Variants in KCNQ5 observed in about 807,000 individuals in gnomAD.
KCNQ5 encodes the protein potassium voltage-gated channel subfamily KQT member 5.
KCNQ5 carries 30 observed loss-of-function variants against 98.2 expected under a neutral mutation model. The ratio of observed to expected loss-of-function variants is 0.31; its 90% CI spans 0.23 to 0.41. KCNQ5 has a LOEUF of 0.41. Ranked by LOEUF, KCNQ5 falls within the 10% of genes least tolerant of loss-of-function variation. The pLI is 1.00. For synonymous variants in KCNQ5, 458 were observed against 449.4 expected, an observed-to-expected ratio of 1.02 and a Z score of -0.24; for missense variants, 835 against 1,182.5, an observed-to-expected ratio of 0.71 and a Z score of 4.31.
At chr6:72,656,493 T>G (rs928940860) in intron 1 of KCNQ5, among the ~76,000 whole-genome samples, 4 of 152,190 alleles carry the variant, frequency 2.6e-5, no homozygotes, top group Admixed American at 6.6e-5. Context: ...GCAAAAATAA[T>G]TTCAGTTATT....
chr6:72,755,465 C>G (rs1342828967), intron 1 of KCNQ5, among the ~76,000 whole-genome samples: 1 of 151,966 alleles, frequency 6.6e-6, no homozygotes, highest in Non-Finnish European at 1.5e-5. Context: ...TTTTATGATT[C>G]CATTTTTATC....
rs9442862 is a variant in KCNQ5 at position 72,878,752 on chromosome 6, G to A, written c.399-125156G>A. ...TTTAAATTAGATTTTATTAAGGCTT[G>A]TTAAAAACTTTTTTGTTCTAATATA... On this transcript the variant is annotated intron_variant, in intron 1 of 13. Transcript: ENST00000370398. Among the ~76,000 whole-genome samples the A allele has an allele frequency of 5.1e-3, 772 of 152,186 alleles. 7 individuals are homozygous for A. The highest frequency in any genetic ancestry group is 0.018 in the African/African-American group (735 of 41,516).
intron 2 of KCNQ5, among the ~76,000 whole-genome samples, chr6:73,026,747 G>A (rs930737739): frequency 3.9e-5 from 6 of 152,012 alleles, no homozygotes; most frequent in East Asian, 1.9e-4. Flanking sequence ...GAGTTAAAGC[G>A]ATTTCTGTGT....
intron 1 of KCNQ5, among the ~76,000 whole-genome samples, chr6:72,804,370 C>CTTA: frequency 6.6e-6 from 1 of 151,996 alleles, no homozygotes; most frequent in South Asian, 2.1e-4. Flanking sequence ...TCTCTATCTC[C>CTTA]TTAAGTTCAA....
intron 1 of KCNQ5, among the ~76,000 whole-genome samples, chr6:72,978,793 C>T (rs143828019): frequency 2.0e-4 from 30 of 152,298 alleles, no homozygotes; most frequent in African/African-American, 7.2e-4. Flanking sequence ...TCGTCATTTA[C>T]ATTACATATT....
chr6:73,160,120 T>C (rs935803213), intron 10 of KCNQ5, among the ~76,000 whole-genome samples: 1 of 151,890 alleles, frequency 6.6e-6, no homozygotes, highest in African/African-American at 2.4e-5. Flanking sequence ...TTCACGCCAT[T>C]CTCCTGCCTC....
intron 1 of KCNQ5, among the ~76,000 whole-genome samples, chr6:72,985,475 T>C (rs1233672063): frequency 6.6e-6 from 1 of 152,086 alleles, no homozygotes; most frequent in Admixed American, 6.5e-5. Context: ...AAAGAAATAA[T>C]CCTACTTGTT....
At chr6:73,095,138 T>C (rs1774429434) in intron 5 of KCNQ5, among the ~76,000 whole-genome samples, 1 of 152,196 alleles carries the variant, frequency 6.6e-6, no homozygotes, top group South Asian at 2.1e-4. Flanking sequence ...TTTTTCTTTG[T>C]CTTTATGGAG....
At chr6:72,787,581 A>G (rs1295115027) in intron 1 of KCNQ5, among the ~76,000 whole-genome samples, 1 of 152,202 alleles carries the variant, frequency 6.6e-6, no homozygotes, top group Non-Finnish European at 1.5e-5. Context: ...TCTATGTAGG[A>G]AGCCAAAGTA....
intron 5 of KCNQ5, among the ~76,000 whole-genome samples, chr6:73,079,915 CAA>C (rs1377021021): frequency 2.0e-4 from 30 of 152,152 alleles, no homozygotes; most frequent in Admixed American, 2.0e-3. Flanking sequence ...GGTTTGAATT[CAA>C]GTTTAATTTT....
At chr6:72,798,904 CTTAA>C (rs1236656861) in intron 1 of KCNQ5, among the ~76,000 whole-genome samples, 1 of 151,970 alleles carries the variant, frequency 6.6e-6, no homozygotes, top group African/African-American at 2.4e-5. Context: ...GGACTGTTCA[CTTAA>C]TTTTTAAATT....
intron 10 of KCNQ5, among the ~76,000 whole-genome samples, chr6:73,162,425 G>A (rs1225840599): frequency 6.6e-6 from 1 of 152,230 alleles, no homozygotes; most frequent in Admixed American, 6.5e-5. Flanking sequence ...CTCACAGAGA[G>A]CAGGACTTTG....
intron 5 of KCNQ5, among the ~76,000 whole-genome samples, chr6:73,104,490 C>T (rs1283068700): frequency 6.6e-6 from 1 of 152,222 alleles, no homozygotes; most frequent in East Asian, 1.9e-4. Context: ...CCCAGTCCAG[C>T]TGAACAACTC....
At chr6:72,886,997 A>G (rs1286744738) in intron 1 of KCNQ5, among the ~76,000 whole-genome samples, 2 of 152,196 alleles carry the variant, frequency 1.3e-5, no homozygotes. Context: ...GATGAGTATT[A>G]TTATGTAATT....
chr6:72,919,977 C>T (rs1780320550), intron 1 of KCNQ5, among the ~76,000 whole-genome samples: 1 of 152,236 alleles, frequency 6.6e-6, no homozygotes, highest in South Asian at 2.1e-4. Context: ...CCAAAAGTGT[C>T]TTGCAGCGGC....
chr6:72,987,709 A>G lies in KCNQ5; in HGVS notation c.399-16199A>G, dbSNP rs560847334. 8 of 564,394 alleles carry G rather than the reference A, an allele frequency of 1.4e-5. No individual in the cohort carries two copies. In the African/African-American group the frequency reaches 1.5e-4, roughly 11 times the overall value. 35.0% of individuals were successfully genotyped at this position (564,394 alleles called of 1,614,324 possible). On this transcript the variant is annotated intron_variant, in intron 1 of 13. Transcript: ENST00000370398. ...CACCGCCCCCAACAAGATCTTTTAT[A>G]TTCATAGGAACGCTTCCAAGTTAGC... is the stretch of plus-strand genomic sequence containing the variant.
intron 5 of KCNQ5, among the ~76,000 whole-genome samples, chr6:73,091,185 A>G (rs1020682337): frequency 2.0e-5 from 3 of 152,168 alleles, no homozygotes; most frequent in Non-Finnish European, 4.4e-5. Flanking sequence ...ACATGGATGA[A>G]ACTGGAAACC....
At chr6:72,853,033 T>G (rs1275649707) in intron 1 of KCNQ5, among the ~76,000 whole-genome samples, 1 of 152,272 alleles carries the variant, frequency 6.6e-6, no homozygotes, top group East Asian at 1.9e-4. Context: ...GCATTTATTT[T>G]TCCTGGAGAA....
intron 1 of KCNQ5, among the ~76,000 whole-genome samples, chr6:73,001,163 T>G (rs937157947): frequency 5.3e-5 from 8 of 152,196 alleles, no homozygotes; most frequent in Non-Finnish European, 7.3e-5. Flanking sequence ...CTTCTTGATG[T>G]GCTCCCACCT....
Sources: allele counts gnomAD v4.1 joint callset (sites outside exome capture counted in the v4.1 genomes callset), GRCh38; gene constraint gnomAD v4.1.1; transcripts MANE v1.5; gene names NCBI Gene and HGNC (gene_info 2026-07-23, HGNC 2026-07-21).